NAALADL2: variants seen among roughly 807,000 people sequenced by gnomAD.
NAALADL2 encodes the protein N-acetylated alpha-linked acidic dipeptidase like 2.
Under a neutral mutation model 87.2 loss-of-function variants are expected in NAALADL2, and 76 were observed. The observed-to-expected ratio is 0.87, with a 90% confidence interval of 0.72 to 1.05. NAALADL2 has a LOEUF of 1.05. Among genes scored for constraint, NAALADL2 ranks in the 50% least tolerant of loss-of-function variants. NAALADL2 has a pLI of 0.00. For synonymous variants in NAALADL2, 354 were observed against 331.0 expected (o/e 1.07, Z -0.75); for missense variants, 1,089 against 945.8 (o/e 1.15, Z -1.99).
chr3:175,321,086 A>C (rs1225992621), intron 4 of NAALADL2, among the ~76,000 whole-genome samples: 2 of 150,826 alleles, frequency 1.3e-5, no homozygotes, highest in African/African-American at 4.9e-5. Context: ...AAAAATCCTC[A>C]ATAAAATACT....
intron 11 of NAALADL2, among the ~76,000 whole-genome samples, chr3:175,678,792 G>A (rs1394616600): frequency 6.6e-6 from 1 of 152,124 alleles, no homozygotes; most frequent in African/African-American, 2.4e-5. Flanking sequence ...GTTAATGGGT[G>A]CAGCACACCA....
At chr3:175,448,930 G>C (rs547539504) in intron 6 of NAALADL2, among the ~76,000 whole-genome samples, 3 of 151,960 alleles carry the variant, frequency 2.0e-5, no homozygotes, top group Non-Finnish European at 4.4e-5. Flanking sequence ...TGCCCAGGCT[G>C]GTCTTGAGCT....
chr3:174,932,364 A>G (rs1191264315), intron 1 of NAALADL2, among the ~76,000 whole-genome samples: 2 of 152,206 alleles, frequency 1.3e-5, no homozygotes, highest in Non-Finnish European at 2.9e-5. Flanking sequence ...ACAGCAAAGA[A>G]AGCCTGGACT....
chr3:175,556,590 G>A lies in NAALADL2; in HGVS notation c.1654-19451G>A, dbSNP rs140079085. Among the ~76,000 whole-genome samples the A allele has an allele frequency of 3.9e-5, 6 of 152,198 alleles. No homozygotes were observed. In the East Asian group the frequency reaches 1.2e-3, roughly 30 times the overall value. ...CTAGTATAGATTTCTGTATGAAATT[G>A]TTACTGCCATTTAAAATTGACATCA... On this transcript the variant is annotated intron_variant, in intron 9 of 13. Transcript: ENST00000454872.
chr3:175,787,770 AAAAAG>A (rs1157302530), intron 13 of NAALADL2, among the ~76,000 whole-genome samples: 1 of 152,228 alleles, frequency 6.6e-6, no homozygotes, highest in Non-Finnish European at 1.5e-5. Flanking sequence ...AAGATATAAA[AAAAAG>A]AAAATATTTT....
intron 2 of NAALADL2, among the ~76,000 whole-genome samples, chr3:175,200,223 T>C (rs1351145202): frequency 1.3e-5 from 2 of 152,070 alleles, no homozygotes; most frequent in African/African-American, 2.4e-5. Flanking sequence ...GGTATGCCTC[T>C]AGTGGGCCAC....
chr3:174,848,382 C>G (rs986388579), intron 3 of NAALADL2, among the ~76,000 whole-genome samples: 1 of 152,048 alleles, frequency 6.6e-6, no homozygotes, highest in Non-Finnish European at 1.5e-5. Context: ...ATTCTCCAAC[C>G]GAGTGATAAA....
chr3:175,627,257 G>A, intron 10 of NAALADL2, 34 bp from the exon 11 acceptor site: 2 of 1,470,162 alleles, frequency 1.4e-6, no homozygotes, highest in Non-Finnish European at 1.8e-6. Context: ...AATCGATAAA[G>A]AGTTTTAAAT....
intron 1 of NAALADL2, among the ~76,000 whole-genome samples, chr3:174,877,837 C>T (rs1281952903): frequency 6.6e-6 from 1 of 151,922 alleles, no homozygotes; most frequent in African/African-American, 2.4e-5. Context: ...TACGATTTTT[C>T]CCCATAAGAA....
chr3:174,615,618 A>T (rs1720383042), intron 2 of NAALADL2, among the ~76,000 whole-genome samples: 1 of 152,062 alleles, frequency 6.6e-6, no homozygotes. Context: ...TATATCATTG[A>T]TTATTTTAGC....
At chr3:175,453,364 T>G (rs1721854622) in intron 6 of NAALADL2, among the ~76,000 whole-genome samples, 1 of 152,142 alleles carries the variant, frequency 6.6e-6, no homozygotes, top group Non-Finnish European at 1.5e-5. Flanking sequence ...CTTGCAAGTA[T>G]CCAATATTTC....
At chr3:175,783,746 AG>A (rs1306575658) in intron 13 of NAALADL2, among the ~76,000 whole-genome samples, 2 of 151,122 alleles carry the variant, frequency 1.3e-5, no homozygotes, top group East Asian at 3.9e-4. Context: ...TATGTTGAAT[AG>A]GAGTGGTGAG....
chr3:174,441,463 G>C (rs567455121), intron 1 of NAALADL2, among the ~76,000 whole-genome samples: 4 of 152,158 alleles, frequency 2.6e-5, no homozygotes, highest in Non-Finnish European at 5.9e-5. Flanking sequence ...GCGCGCTAGC[G>C]GGGCGCAGGT....
rs369017904 is a variant in NAALADL2, at chr3:174,807,667, C to A, written c.-9+69921C>A. On this transcript the variant is annotated intron_variant, in intron 3 of 3. Coordinates refer to the NAALADL2 transcript ENST00000434257. ...CGTTGAATAATAAATATATTTATTTCTTTCCCTTGTTTTCTTTGGAATGTA... is the reference window on the plus strand; with the variant it reads ...CGTTGAATAATAAATATATTTATTTATTTCCCTTGTTTTCTTTGGAATGTA... Among the ~76,000 whole-genome samples, 8 of 152,104 alleles carry A rather than the reference C, an allele frequency of 5.3e-5. No individual in the cohort carries two copies. In the South Asian group the frequency reaches 6.2e-4, roughly 12 times the overall value.
rs560381483 is a variant in NAALADL2, at chr3:175,025,898, C to G, written c.44-70892C>G. Among the ~76,000 whole-genome samples the G allele has an allele frequency of 3.6e-3, 552 of 152,238 alleles. 3 individuals are homozygous for G. Among genetic ancestry groups the G allele is most frequent in the African/African-American group, 0.01 (433 of 41,550 alleles). ...GATCTTAGCTCACTGCAGCCTCCACCTCTCAGGCTCAAGTGATTCGCCCAC... is the reference window on the plus strand; with the variant it reads ...GATCTTAGCTCACTGCAGCCTCCACGTCTCAGGCTCAAGTGATTCGCCCAC... On this transcript the variant is annotated intron_variant, in intron 1 of 13. Transcript: ENST00000454872.
At chr3:174,951,720 C>T (rs1193810409) in intron 1 of NAALADL2, among the ~76,000 whole-genome samples, 1 of 152,070 alleles carries the variant, frequency 6.6e-6, no homozygotes, top group Non-Finnish European at 1.5e-5. Context: ...CATCATCCTT[C>T]CTGCAATATG....
At chr3:174,985,392 A>T (rs1040759851) in intron 1 of NAALADL2, among the ~76,000 whole-genome samples, 1 of 152,166 alleles carries the variant, frequency 6.6e-6, no homozygotes, top group African/African-American at 2.4e-5. Context: ...AATATGTCAG[A>T]ATTATTCTTT....
chr3:175,276,494 TG>T (rs1177505660), intron 4 of NAALADL2, among the ~76,000 whole-genome samples: 1 of 151,856 alleles, frequency 6.6e-6, no homozygotes, highest in Non-Finnish European at 1.5e-5. Flanking sequence ...TACTAGAGAC[TG>T]GGTTTCACCA....
intron 2 of NAALADL2, among the ~76,000 whole-genome samples, chr3:174,567,906 G>A (rs1294973210): frequency 2.0e-5 from 3 of 151,560 alleles, no homozygotes; most frequent in East Asian, 1.9e-4. Flanking sequence ...TTAGAAGGTC[G>A]TAGAGACTCT....
Sources: allele counts gnomAD v4.1 joint callset (sites outside exome capture counted in the v4.1 genomes callset), GRCh38; gene constraint gnomAD v4.1.1; transcripts MANE v1.5; gene names NCBI Gene and HGNC (gene_info 2026-07-23, HGNC 2026-07-21).